GPR39: variants seen among roughly 807,000 people sequenced by gnomAD.
The protein encoded by GPR39 is zinc sensing receptor.
A neutral mutation model predicts 18.4 loss-of-function variants in GPR39; 23 were observed. The ratio of observed to expected loss-of-function variants is 1.25; its 90% CI spans 0.90 to 1.77. GPR39 has a LOEUF of 1.77. Ranked by LOEUF, GPR39 falls within the 40% of genes most tolerant of loss-of-function variation. The pLI, the probability that GPR39 is intolerant of heterozygous loss-of-function variation, is 0.00. For missense variants in GPR39, 647 were observed against 602.4 expected (o/e 1.07, Z -0.78); for synonymous variants, 280 against 257.9 (o/e 1.09, Z -0.82).
At chr2:132,642,476 T>C (rs1030247721) in intron 1 of GPR39, among the ~76,000 whole-genome samples, 1 of 152,242 alleles carries the variant, frequency 6.6e-6, no homozygotes, top group African/African-American at 2.4e-5. Flanking sequence ...TACTGAACTC[T>C]GCTGCTTTTG....
intron 1 of GPR39, among the ~76,000 whole-genome samples, chr2:132,435,541 G>T (rs1165737064): frequency 6.6e-5 from 10 of 152,190 alleles, no homozygotes; most frequent in Admixed American, 5.9e-4. Flanking sequence ...AAGTCTTTGG[G>T]GAGTCCAAGG....
intron 1 of GPR39, among the ~76,000 whole-genome samples, chr2:132,518,029 T>A (rs1373534734): frequency 6.6e-6 from 1 of 152,228 alleles, no homozygotes; most frequent in Admixed American, 6.5e-5. Flanking sequence ...AACAAGTGGC[T>A]TATATTCTTC....
chr2:132,614,831 A>G (rs1450305740), intron 1 of GPR39, among the ~76,000 whole-genome samples: 1 of 151,996 alleles, frequency 6.6e-6, no homozygotes, highest in Non-Finnish European at 1.5e-5. Context: ...ATGAGCCACC[A>G]TGCCCGGCCA....
Position 132,646,432 on chromosome 2 carries a change from T to TGATA in GPR39, c.*827_*830dup. On this transcript the variant is annotated 3_prime_UTR_variant, in exon 2 of 2. Coordinates refer to ENST00000329321, the MANE Select transcript of GPR39 (RefSeq NM_001508.3). Reference sequence around the variant, plus strand: ...AGGGAAGTGCTTCGGATTGTCTCATTGATATTCAAGATAGATGGTGAAAGA... The same window carrying TGATA: ...AGGGAAGTGCTTCGGATTGTCTCATTGATAGATATTCAAGATAGATGGTGAAAGA... The TGATA allele has an allele frequency of 2.3e-6, 1 of 429,118 alleles. No homozygotes were observed. Among genetic ancestry groups the TGATA allele is most frequent in the East Asian group, 3.5e-5 (1 of 28,198 alleles). 26.6% of individuals were successfully genotyped at this position (429,118 alleles called of 1,614,324 possible).
intron 1 of GPR39, among the ~76,000 whole-genome samples, chr2:132,515,531 ATGGTACCT>A (rs1679318118): frequency 6.6e-6 from 1 of 152,190 alleles, no homozygotes; most frequent in Admixed American, 6.5e-5. Context: ...ATCCCCAAAT[ATGGTACCT>A]TGGCATACTG....
At chr2:132,623,058 G>A (rs1681469700) in intron 1 of GPR39, among the ~76,000 whole-genome samples, 1 of 152,188 alleles carries the variant, frequency 6.6e-6, no homozygotes, top group African/African-American at 2.4e-5. Flanking sequence ...GTTGCAGTGA[G>A]CTAAGATCAT....
intron 1 of GPR39, among the ~76,000 whole-genome samples, chr2:132,618,241 C>G (rs1297440496): frequency 6.6e-6 from 1 of 152,236 alleles, no homozygotes; most frequent in African/African-American, 2.4e-5. Context: ...CTCCAACATT[C>G]TCCCATTTAC....
intron 1 of GPR39, among the ~76,000 whole-genome samples, chr2:132,587,098 G>T (rs1381784359): frequency 2.6e-5 from 4 of 152,224 alleles, no homozygotes; most frequent in Non-Finnish European, 1.5e-5. Context: ...TTGCGGTAAA[G>T]ACTGCATTGA....
intron 1 of GPR39, among the ~76,000 whole-genome samples, chr2:132,561,662 C>A (rs910232967): frequency 5.6e-4 from 85 of 151,778 alleles, no homozygotes; most frequent in African/African-American, 1.9e-3. Flanking sequence ...ATGCCAAAAT[C>A]TGCAGTTGGC....
At chr2:132,476,849 C>T (rs756166174) in intron 1 of GPR39, among the ~76,000 whole-genome samples, 55 of 152,176 alleles carry the variant, frequency 3.6e-4, no homozygotes, top group East Asian at 1.2e-3. Context: ...AACAGTCATT[C>T]GTGGGAAGGA....
intron 1 of GPR39, among the ~76,000 whole-genome samples, chr2:132,641,115 C>T (rs1211287350): frequency 2.0e-5 from 3 of 152,192 alleles, no homozygotes; most frequent in African/African-American, 7.2e-5. Context: ...ATCCCAACAG[C>T]CCTGCCAAGT....
At chr2:132,456,459 G>A (rs1680730495) in intron 1 of GPR39, among the ~76,000 whole-genome samples, 1 of 152,030 alleles carries the variant, frequency 6.6e-6, no homozygotes, top group Non-Finnish European at 1.5e-5. Context: ...CTTTTAATTG[G>A]GGCATTTGGC....
chr2:132,568,360 T>C (rs910477309), intron 1 of GPR39, among the ~76,000 whole-genome samples: 1 of 152,026 alleles, frequency 6.6e-6, no homozygotes, highest in East Asian at 1.9e-4. Context: ...TGAGTGGATA[T>C]ACCAGAGGAC....
Position 132,645,718 on chromosome 2 carries a change from A to C in GPR39, c.*112A>C. The C allele has an allele frequency of 7.0e-7, 1 of 1,422,716 alleles. No individual in the cohort carries two copies. The highest frequency in any genetic ancestry group is 2.3e-5 in the East Asian group (1 of 43,490). 88.1% of individuals were successfully genotyped at this position (1,422,716 alleles called of 1,614,324 possible). ...CCATCAGGGATGGAATGGACACTGG[A>C]GGCTTTACAAAAGGCAGATGCCCAC... On this transcript the variant is annotated 3_prime_UTR_variant, in exon 2 of 2. Transcript: ENST00000329321.
chr2:132,584,741 C>G (rs905084150), intron 1 of GPR39, among the ~76,000 whole-genome samples: 1 of 152,176 alleles, frequency 6.6e-6, no homozygotes. Context: ...GGATCGGATG[C>G]AAATGAGGCT....
chr2:132,594,059 C>T (rs190570726), intron 1 of GPR39, among the ~76,000 whole-genome samples: 10 of 152,258 alleles, frequency 6.6e-5, no homozygotes, highest in Admixed American at 5.2e-4. Context: ...TTGATTGTCA[C>T]AGAAGTGGAA....
intron 1 of GPR39, among the ~76,000 whole-genome samples, chr2:132,533,973 A>C (rs1198513217): frequency 6.6e-6 from 1 of 152,220 alleles, no homozygotes; most frequent in African/African-American, 2.4e-5. Context: ...AATGGCAACA[A>C]AAGTCAAAAT....
At chr2:132,593,031 C>T (rs557822312) in intron 1 of GPR39, among the ~76,000 whole-genome samples, 9 of 152,266 alleles carry the variant, frequency 5.9e-5, no homozygotes, top group East Asian at 3.9e-4. Context: ...TCACTGAAAG[C>T]GCTATACTTA....
intron 1 of GPR39, among the ~76,000 whole-genome samples, chr2:132,516,234 G>C (rs983913837): frequency 6.6e-6 from 1 of 152,146 alleles, no homozygotes; most frequent in Non-Finnish European, 1.5e-5. Flanking sequence ...CAGAGCTGAG[G>C]GGGTGCCTCT....
Sources: allele counts gnomAD v4.1 joint callset (sites outside exome capture counted in the v4.1 genomes callset), GRCh38; gene constraint gnomAD v4.1.1; transcripts MANE v1.5; gene names NCBI Gene and HGNC (gene_info 2026-07-23, HGNC 2026-07-21).